The following ARMC2 variants were observed in gnomAD, a reference collection of about 807,000 sequenced individuals.
ARMC2 encodes armadillo repeat-containing protein 2.
Under a neutral mutation model 90.3 loss-of-function variants are expected in ARMC2, and 67 were observed. The observed-to-expected ratio is 0.74, with a 90% CI of 0.61 to 0.91. The LOEUF is 0.91. Ranked by LOEUF, ARMC2 falls within the 40% of genes least tolerant of loss-of-function variation. The pLI is 0.00. For missense variants in ARMC2, 920 were observed against 1,030.9 expected, an observed-to-expected ratio of 0.89 and a Z score of 1.47; for synonymous variants, 393 against 393.0, an observed-to-expected ratio of 1.00 and a Z score of 0.00.
At chr6:108,941,414 C>T (rs1776426407) in intron 12 of ARMC2, among the ~76,000 whole-genome samples, 3 of 152,208 alleles carry the variant, frequency 2.0e-5, no homozygotes, top group Admixed American at 2.0e-4. Context: ...TTAAGAAAAA[C>T]TATACAAATC....
At chr6:108,849,646 A>G (rs1031668145) in intron 1 of ARMC2, among the ~76,000 whole-genome samples, 1 of 152,226 alleles carries the variant, frequency 6.6e-6, no homozygotes, top group Non-Finnish European at 1.5e-5. Context: ...TCCTTTTATC[A>G]TGTAGCACTT....
chr6:108,978,472 TTGATTTGGGG>T (rs1209655338), downstream of ARMC2, among the ~76,000 whole-genome samples: 1 of 152,226 alleles, frequency 6.6e-6, no homozygotes, highest in African/African-American at 2.4e-5. Context: ...GTATATTCTG[TTGATTTGGGG>T]TGGAGAGTTC....
At chr6:108,925,847 A>G (rs542364410) in intron 10 of ARMC2, among the ~76,000 whole-genome samples, 1 of 152,352 alleles carries the variant, frequency 6.6e-6, no homozygotes, top group East Asian at 1.9e-4. Context: ...AACTGTGTGT[A>G]TCACGTGCAG....
chr6:109,000,450 A>G, the ARMC2 span: 1 of 1,388,364 alleles, frequency 7.2e-7, no homozygotes, highest in Non-Finnish European at 9.5e-7. Flanking sequence ...GCTCTAAAAA[A>G]GTCTGAAATG....
rs77891951 is a variant in ARMC2 at position 108,897,446 on chromosome 6, C to T, written c.749-2248C>T. ...TTGGGTTAGATAGATTATCTGAAAC[C>T]TTGCTATTAAGGCTATTTACTGCAC... is the stretch of plus-strand genomic sequence containing the variant. On this transcript the variant is annotated intron_variant, in intron 6 of 17. Transcript: ENST00000392644. Among the ~76,000 whole-genome samples the T allele has an allele frequency of 8.3e-3, 1,269 of 152,044 alleles. 17 individuals carry two copies. The highest frequency in any genetic ancestry group is 0.029 in the African/African-American group (1,193 of 41,464).
intron 2 of ARMC2, among the ~76,000 whole-genome samples, chr6:108,854,789 G>A (rs1387944971): frequency 6.6e-6 from 1 of 152,102 alleles, no homozygotes; most frequent in East Asian, 1.9e-4. Context: ...TCTTGGTGTT[G>A]TACATTTTAT....
intron 5 of ARMC2, among the ~76,000 whole-genome samples, chr6:108,889,438 G>A (rs757835003): frequency 1.1e-4 from 16 of 151,544 alleles, no homozygotes; most frequent in East Asian, 5.8e-4. Context: ...GACCCACTGC[G>A]CCCTGCCTGT....
chr6:108,941,103 C>T (rs1776401064), intron 12 of ARMC2, among the ~76,000 whole-genome samples: 1 of 152,104 alleles, frequency 6.6e-6, no homozygotes, highest in African/African-American at 2.4e-5. Context: ...GACAGACAGA[C>T]AGACAGATAT....
At chr6:108,970,037 T>TA (rs537655685) in intron 17 of ARMC2, among the ~76,000 whole-genome samples, 6,743 of 148,432 alleles carry the variant, frequency 0.045, 231 homozygotes, top group Middle Eastern at 0.063. Flanking sequence ...CTCTGTCTCT[T>TA]AAAAAAAAAA....
the ARMC2 span, chr6:108,993,009 A>G: frequency 1.5e-6 from 1 of 656,142 alleles, no homozygotes; most frequent in African/African-American, 1.8e-5. Context: ...TGAGTGACCA[A>G]TATCAACCAA....
At chr6:108,963,114 GTTTATA>G (rs1778115160) in intron 15 of ARMC2, among the ~76,000 whole-genome samples, 1 of 152,116 alleles carries the variant, frequency 6.6e-6, no homozygotes, top group African/African-American at 2.4e-5. Context: ...AATAAGAATT[GTTTATA>G]TTTATTATGT....
chr6:108,876,619 A>G (rs1025742670), intron 5 of ARMC2, among the ~76,000 whole-genome samples: 1 of 152,190 alleles, frequency 6.6e-6, no homozygotes, highest in South Asian at 2.1e-4. Context: ...TAGTTGGACT[A>G]TTCCAGCCAT....
chr6:109,030,961 C>T, the ARMC2 span, among the ~76,000 whole-genome samples: 1 of 152,318 alleles, frequency 6.6e-6, no homozygotes, highest in South Asian at 2.1e-4. Context: ...GCTTCAGAGC[C>T]AGCTCTTAGG....
At chr6:108,879,011 A>T (rs1029617539) in intron 5 of ARMC2, among the ~76,000 whole-genome samples, 1 of 151,238 alleles carries the variant, frequency 6.6e-6, no homozygotes, top group Non-Finnish European at 1.5e-5. Flanking sequence ...ATACCCATCC[A>T]CCTGTCCATC....
At chr6:108,890,373 ATT>A (rs1770883408) in intron 5 of ARMC2, among the ~76,000 whole-genome samples, 1 of 150,856 alleles carries the variant, frequency 6.6e-6, no homozygotes, top group South Asian at 2.1e-4. Flanking sequence ...TAATCTGTTT[ATT>A]AAGTTCTTCC....
At chr6:108,984,226 G>A in the ARMC2 span, among the ~76,000 whole-genome samples, 1 of 152,310 alleles carries the variant, frequency 6.6e-6, no homozygotes, top group Middle Eastern at 3.4e-3. Flanking sequence ...CAAAAAGGTT[G>A]GGGACTGCTG....
intron 12 of ARMC2, among the ~76,000 whole-genome samples, chr6:108,947,187 G>A (rs1378569921): frequency 1.3e-5 from 2 of 152,222 alleles, no homozygotes; most frequent in East Asian, 1.9e-4. Flanking sequence ...TGACAGAGTC[G>A]AGGAGACTTG....
chr6:108,899,650 T>G lies in ARMC2; in HGVS notation c.749-44T>G. 3 of 1,463,568 alleles carry G rather than the reference T, an allele frequency of 2.0e-6. No homozygotes were observed. The East Asian group carries it at 6.8e-5, about 33-fold the overall frequency. The allele number at this position is 1,463,568 out of a possible 1,614,324, so 90.7% of individuals were successfully genotyped here. ...GCTTTTGACCATGCTTCATGACAAC[T>G]CCTTTTTCATAGCTTTTTCTCCTGC... On this transcript the variant is annotated intron_variant, in intron 6 of 17. Transcript: ENST00000392644.
chr6:108,891,337 A>G (rs1771005790), intron 5 of ARMC2, among the ~76,000 whole-genome samples: 1 of 152,218 alleles, frequency 6.6e-6, no homozygotes, highest in African/African-American at 2.4e-5. Flanking sequence ...ACTGTCTTCC[A>G]CAATGGTTGA....
Sources: gnomAD v4.1 joint callset for allele counts (sites outside exome capture counted in the v4.1 genomes callset) on GRCh38, gnomAD v4.1.1 for gene constraint, MANE v1.5 for transcripts, NCBI Gene and HGNC (gene_info 2026-07-23, HGNC 2026-07-21) for gene names.